Variants in CAPN7 observed in about 807,000 individuals in gnomAD.
The protein encoded by CAPN7 is calpain 7.
A neutral mutation model predicts 115.2 loss-of-function variants in CAPN7; 72 were observed. The ratio of observed to expected loss-of-function variants is 0.63; its 90% CI spans 0.52 to 0.76. The LOEUF (loss-of-function observed/expected upper bound fraction) is 0.76, where lower values mean the gene tolerates loss of function less well. Among genes scored for constraint, CAPN7 ranks in the 30% least tolerant of loss-of-function variants. The pLI is 0.00. For synonymous variants in CAPN7, 344 were observed against 322.3 expected, an observed-to-expected ratio of 1.07 and a Z score of -0.72; for missense variants, 905 against 971.5, an observed-to-expected ratio of 0.93 and a Z score of 0.91.
chr3:15,241,787 ATC>A (rs908224081), intron 15 of CAPN7, among the ~76,000 whole-genome samples, 199 bp downstream of exon 15: 3 of 152,212 alleles, frequency 2.0e-5, no homozygotes, highest in African/African-American at 7.2e-5. Context: ...TTCAAAAGTC[ATC>A]TCTGAAGAAA....
chr3:15,249,548 A>G (rs936952853), intron 19 of CAPN7, among the ~76,000 whole-genome samples: 2 of 152,196 alleles, frequency 1.3e-5, no homozygotes, highest in African/African-American at 4.8e-5. Context: ...TTTTGCATTT[A>G]AAAAATTCAT....
At chr3:15,240,914 A>G (rs1435229130) in intron 14 of CAPN7, 61 bp downstream of exon 14, 1 of 1,093,396 alleles carries the variant, frequency 9.1e-7, no homozygotes. Context: ...TCACTTAAAA[A>G]CATAATGGTG....
At chr3:15,246,845 A>T (rs1426106846) in intron 18 of CAPN7, 51 bp downstream of exon 18, 7 of 1,305,332 alleles carry the variant, frequency 5.4e-6, no homozygotes, top group Non-Finnish European at 6.5e-6. Flanking sequence ...GAATTTTTAA[A>T]TTCCCTTTCC....
At position 15,251,058 on chromosome 3, in the gene CAPN7, C is replaced by G. The variant is rs372840487; in HGVS notation, c.2297+35C>G. 4.1e-5 allele frequency: 66 copies of G among 1,597,266 alleles called. No homozygotes were observed. The African/African-American group carries it at 7.0e-4, about 17-fold the overall frequency. On this transcript the variant is annotated intron_variant, in intron 20 of 20. Transcript: ENST00000253693. ...GCATTTTTATTGTATCTATTTTATA[C>G]TTTACTTTTTGTGGCATCATCTTCT... is the stretch of plus-strand genomic sequence containing the variant.
At chr3:15,248,141 A>G (rs1695779413) in intron 19 of CAPN7, among the ~76,000 whole-genome samples, 1 of 152,132 alleles carries the variant, frequency 6.6e-6, no homozygotes. Flanking sequence ...TAACCTGCAC[A>G]ATGTGCACAT....
chr3:15,250,894 ATATT>A (rs1695969378), intron 19 of CAPN7, 33 bp from the exon 20 acceptor site: 7 of 1,342,118 alleles, frequency 5.2e-6, no homozygotes, highest in South Asian at 1.2e-5. Flanking sequence ...TTGAGAATAT[ATATT>A]AATACAGTAA....
chr3:15,236,938 A>G (rs1242397162), intron 12 of CAPN7, among the ~76,000 whole-genome samples: 1 of 152,212 alleles, frequency 6.6e-6, no homozygotes, highest in Non-Finnish European at 1.5e-5. Flanking sequence ...ACTACTGTAG[A>G]CTTTATGAAT....
intron 16 of CAPN7, among the ~76,000 whole-genome samples, chr3:15,243,893 C>T (rs545888450): frequency 2.9e-4 from 44 of 152,236 alleles, no homozygotes; most frequent in African/African-American, 9.9e-4. Flanking sequence ...CCCCATGACA[C>T]GTATTTACTT....
At chr3:15,235,424 A>T (rs559047244) in intron 12 of CAPN7, among the ~76,000 whole-genome samples, 1 of 152,300 alleles carries the variant, frequency 6.6e-6, no homozygotes, top group South Asian at 2.1e-4. Context: ...GGCGGAATAC[A>T]TAGCTTCCAA....
In CAPN7 at chr3:15,251,445, A is replaced by T; in HGVS notation, c.*185A>T. 1 of 493,406 alleles carries T rather than the reference A, an allele frequency of 2.0e-6. No individual in the cohort carries two copies. Among genetic ancestry groups the T allele is most frequent in the South Asian group, 3.7e-5 (1 of 26,750 alleles). The allele number at this position is 493,406 out of a possible 1,614,324, so 30.6% of individuals were successfully genotyped here. A position where few individuals can be genotyped will look rare whatever the true frequency, so the allele number is the denominator to read the frequency against. On this transcript the variant is annotated 3_prime_UTR_variant, in exon 21 of 21. Coordinates refer to ENST00000253693, the MANE Select transcript of CAPN7 (RefSeq NM_014296.3). Reference sequence around the variant, plus strand: ...AACTGTATATAGTCAGAATTACCTAAATCACCTAGAGGTACCGTTTACATG... The same window carrying T: ...AACTGTATATAGTCAGAATTACCTATATCACCTAGAGGTACCGTTTACATG...
chr3:15,212,200 C>T lies in CAPN7; in HGVS notation c.199C>T (p.Leu67=). Residue 67 remains leucine, a synonymous_variant, in exon 2 of 21, where the codon CTA becomes TTA. Coordinates refer to ENST00000253693, the MANE Select transcript of CAPN7 (RefSeq NM_014296.3). ...ITEYLERVQA[L]HSAVQSKSAD... is the part of the protein sequence containing the mutation. ...TGAGTATCTGGAAAGAGTTCAAGCT[C>T]TACATTCAGCAGGTTAGTAAAGGAC... The T allele has an allele frequency of 6.3e-7, 1 of 1,593,230 alleles. No homozygotes were observed. The highest frequency in any genetic ancestry group is 8.6e-7 in the Non-Finnish European group (1 of 1,164,212).
Position 15,210,596 on chromosome 3 carries a change from C to CTTTTTTTTTTTTTTT in CAPN7, c.103-1505_103-1491dup, listed in dbSNP as rs371169868. On this transcript the variant is annotated intron_variant, in intron 1 of 20. Coordinates refer to ENST00000253693, the MANE Select transcript of CAPN7 (RefSeq NM_014296.3). Reference sequence around the variant, plus strand: ...TTTTCATTCCTTCCTTGCTTCCTTCCTTTTTTTTTTTTTTTTTGGACAGTA... The same window carrying CTTTTTTTTTTTTTTT: ...TTTTCATTCCTTCCTTGCTTCCTTCCTTTTTTTTTTTTTTTTTTTTTTTTTTTTTTTTGGACAGTA... Among the ~76,000 whole-genome samples the CTTTTTTTTTTTTTTT allele has an allele frequency of 5.5e-3, 570 of 104,364 alleles. 87 individuals carry two copies. Among genetic ancestry groups the CTTTTTTTTTTTTTTT allele is most frequent in the African/African-American group, 0.03 (498 of 16,430 alleles). 68.5% of individuals were successfully genotyped at this position (104,364 alleles called of 152,430 possible). A position where few individuals can be genotyped will look rare whatever the true frequency, so the allele number is the denominator to read the frequency against.
At chr3:15,240,688 T>C (rs1695290380) in intron 13 of CAPN7, 66 bp from the exon 14 acceptor site, 4 of 1,544,164 alleles carry the variant, frequency 2.6e-6, no homozygotes, top group Admixed American at 3.8e-5. Context: ...AGACAAAACA[T>C]GTGTAACTGA....
rs1342044910 is a variant in CAPN7 at position 15,252,631 on chromosome 3, A to G, written c.*1371A>G. On this transcript the variant is annotated 3_prime_UTR_variant, in exon 21 of 21. Transcript: ENST00000253693. ...GTACAGGATGCAAACTAAAAACCTA[A>G]TCCCTGCCATCAAATTTATTAGAAG... 1.3e-5 allele frequency: 2 copies of G among 152,128 alleles called. No homozygotes were observed. The highest frequency in any genetic ancestry group is 4.8e-5 in the African/African-American group (2 of 41,378). 9.4% of individuals were successfully genotyped at this position (152,128 alleles called of 1,614,324 possible).
chr3:15,233,318 G>A (rs1172179754), intron 10 of CAPN7, among the ~76,000 whole-genome samples: 1 of 152,154 alleles, frequency 6.6e-6, no homozygotes, highest in Non-Finnish European at 1.5e-5. Flanking sequence ...GCCAAACCAG[G>A]TGTCCTTGAC....
At chr3:15,248,082 G>A (rs1004531752) in intron 19 of CAPN7, among the ~76,000 whole-genome samples, 1 of 151,962 alleles carries the variant, frequency 6.6e-6, no homozygotes, top group Non-Finnish European at 1.5e-5. Context: ...GCTAGATGAC[G>A]AGTTAGTGGG....
chr3:15,231,811 A>C (rs1464935506), intron 9 of CAPN7, among the ~76,000 whole-genome samples: 1 of 152,180 alleles, frequency 6.6e-6, no homozygotes, highest in East Asian at 1.9e-4. Context: ...TACAGGCGTG[A>C]GCCACCGCGC....
rs1226938693 is a variant in CAPN7 at position 15,247,381 on chromosome 3, A to G, written c.2128A>G (p.Thr710Ala). The G allele has an allele frequency of 6.2e-7, 1 of 1,610,758 alleles. No individual in the cohort carries two copies. Among genetic ancestry groups the G allele is most frequent in the Non-Finnish European group, 8.5e-7 (1 of 1,178,216 alleles). The change falls in exon 19 of 21, where the codon ACT becomes GCT. Residue 710 changes from threonine to alanine, a missense_variant. By Grantham distance (58) the Thr-to-Ala change is moderately conservative. Transcript: ENST00000253693. Reference sequence around the variant, plus strand: ...TGGAGGATGTGGAAATTTCCAAGAGACTCACAAAAATAACCCCATCTACCA... The same window carrying G: ...TGGAGGATGTGGAAATTTCCAAGAGGCTCACAAAAATAACCCCATCTACCA... ...SAGGCGNFQE[T>A]HKNNPIYQFH...
At chr3:15,212,063 T>G in intron 1 of CAPN7, 41 bp from the exon 2 acceptor site, 3 of 1,252,600 alleles carry the variant, frequency 2.4e-6, no homozygotes, top group Non-Finnish European at 3.4e-6. Flanking sequence ...ATTCAAGTTG[T>G]AATACATCTA....
Sources: gnomAD v4.1 joint callset for allele counts (sites outside exome capture counted in the v4.1 genomes callset) on GRCh38, gnomAD v4.1.1 for gene constraint, MANE v1.5 for transcripts, NCBI Gene and HGNC (gene_info 2026-07-23, HGNC 2026-07-21) for gene names.